The following GRIK3 variants were observed in gnomAD, a reference collection of about 807,000 sequenced individuals.
GRIK3 encodes the protein glutamate ionotropic receptor kainate type subunit 3.
In GRIK3, 29 loss-of-function variants were observed where a neutral mutation model predicts 102.5. The observed-to-expected ratio is 0.28, with a 90% CI of 0.21 to 0.39. The LOEUF is 0.39. Among genes scored for constraint, GRIK3 ranks in the 10% least tolerant of loss-of-function variants. The pLI is 1.00. For missense variants in GRIK3, 908 were observed against 1,252.4 expected, an observed-to-expected ratio of 0.73 and a Z score of 4.15; for synonymous variants, 511 against 504.9, an observed-to-expected ratio of 1.01 and a Z score of -0.16.
intron 1 of GRIK3, among the ~76,000 whole-genome samples, chr1:36,943,107 A>G (rs1641745341): frequency 6.6e-6 from 1 of 152,158 alleles, no homozygotes; most frequent in Admixed American, 6.5e-5. Flanking sequence ...AAGGACACTG[A>G]GGCATGAGGA....
chr1:36,965,086 A>G (rs1311067540), intron 1 of GRIK3, among the ~76,000 whole-genome samples: 2 of 152,222 alleles, frequency 1.3e-5, no homozygotes, highest in Non-Finnish European at 2.9e-5. Context: ...CTGAAAAAGC[A>G]GGCTCAAATC....
intron 1 of GRIK3, among the ~76,000 whole-genome samples, chr1:37,013,586 C>T (rs1430959515): frequency 2.6e-5 from 4 of 152,196 alleles, no homozygotes; most frequent in African/African-American, 9.6e-5. Flanking sequence ...CCAAAAGACC[C>T]TGGGAGAGAA....
chr1:36,796,919 AG>A lies in GRIK3; in HGVS notation c.*4931del, dbSNP rs1642370909. The A allele has an allele frequency of 6.6e-6, 1 of 152,318 alleles. No homozygotes were observed. The highest frequency in any genetic ancestry group is 2.4e-5 in the African/African-American group (1 of 41,554). 9.4% of individuals were successfully genotyped at this position (152,318 alleles called of 1,614,324 possible). On this transcript the variant is annotated 3_prime_UTR_variant, in exon 16 of 16. Transcript: ENST00000373091. The stretch of plus-strand genomic sequence containing the variant: ...CAGAACTAGAATGTAATATTGGCAC[AG>A]GGGCTGAGTACTAGCATGACATTGC...
At chr1:36,803,517 A>T (rs376083920) in intron 15 of GRIK3, among the ~76,000 whole-genome samples, 1 of 152,046 alleles carries the variant, frequency 6.6e-6, no homozygotes. Context: ...TGCAACCTCC[A>T]CCTCCTGGGT....
intron 1 of GRIK3, among the ~76,000 whole-genome samples, chr1:36,898,463 T>A (rs1641197818): frequency 6.6e-6 from 1 of 152,128 alleles, no homozygotes. Context: ...TATACATCTA[T>A]TATGTACCCA....
chr1:37,028,022 G>C (rs1642781453), intron 1 of GRIK3, among the ~76,000 whole-genome samples: 1 of 151,356 alleles, frequency 6.6e-6, no homozygotes, highest in Admixed American at 6.6e-5. Context: ...AGAAGGTCAG[G>C]ATGTGACTCT....
chr1:36,966,957 T>G (rs963849561), intron 1 of GRIK3, among the ~76,000 whole-genome samples: 1 of 152,310 alleles, frequency 6.6e-6, no homozygotes, highest in South Asian at 2.1e-4. Flanking sequence ...AAAAAAGATG[T>G]ATGGAATCCT....
intron 1 of GRIK3, among the ~76,000 whole-genome samples, chr1:36,932,415 G>A (rs1170893653): frequency 1.3e-5 from 2 of 152,124 alleles, no homozygotes; most frequent in Admixed American, 6.5e-5. Context: ...TCTTGTACCA[G>A]AGTAGGAGGT....
intron 1 of GRIK3, among the ~76,000 whole-genome samples, chr1:36,974,594 C>G (rs376667565): frequency 6.6e-6 from 1 of 151,630 alleles, no homozygotes; most frequent in African/African-American, 2.4e-5. Context: ...GTCAGGAGAT[C>G]GAGACCATCC....
At chr1:36,905,238 T>A (rs541671) in intron 1 of GRIK3, among the ~76,000 whole-genome samples, 6,667 of 152,146 alleles carry the variant, frequency 0.044, 383 homozygotes, top group African/African-American at 0.13. Flanking sequence ...ATAAAAGAAG[T>A]CTTGAATAAA....
chr1:36,820,441 C>T (rs2124192697), intron 11 of GRIK3, among the ~76,000 whole-genome samples: 1 of 152,212 alleles, frequency 6.6e-6, no homozygotes, highest in East Asian at 1.9e-4. Flanking sequence ...CTCCTAAAGA[C>T]ATAACTATTC....
intron 1 of GRIK3, among the ~76,000 whole-genome samples, chr1:36,933,732 G>A (rs577092261): frequency 1.9e-4 from 29 of 152,276 alleles, no homozygotes; most frequent in African/African-American, 6.5e-4. Context: ...CAGCAGCAAG[G>A]TATGATAGAA....
At chr1:37,000,709 T>C (rs2124030666) in intron 1 of GRIK3, among the ~76,000 whole-genome samples, 2 of 152,300 alleles carry the variant, frequency 1.3e-5, no homozygotes, top group East Asian at 3.9e-4. Flanking sequence ...GCAGAACCAA[T>C]ATTCAACTCC....
intron 1 of GRIK3, among the ~76,000 whole-genome samples, chr1:36,931,011 A>G (rs1641582433): frequency 6.6e-6 from 1 of 152,136 alleles, no homozygotes; most frequent in Non-Finnish European, 1.5e-5. Context: ...AGTCTCAGGG[A>G]CCATGTTCTT....
intron 1 of GRIK3, among the ~76,000 whole-genome samples, chr1:36,977,630 A>G (rs1215533275): frequency 6.6e-6 from 1 of 152,172 alleles, no homozygotes; most frequent in Non-Finnish European, 1.5e-5. Context: ...GGCTGGAGAG[A>G]CTGAGGACCC....
chr1:37,025,142 A>T (rs1434776974), intron 1 of GRIK3, among the ~76,000 whole-genome samples: 1 of 152,222 alleles, frequency 6.6e-6, no homozygotes, highest in Non-Finnish European at 1.5e-5. Flanking sequence ...AATTTGCAAC[A>T]AAGATTAGCA....
At position 36,869,781 on chromosome 1, in the gene GRIK3, C is replaced by A. The variant is rs893072517; in HGVS notation, c.753G>T (p.Met251Ile). The change falls in exon 5 of 16, where the codon ATG (methionine) becomes ATT (isoleucine). Residue 251 changes from methionine to isoleucine, a missense_variant. By Grantham distance (10) the Met-to-Ile change is conservative (BLOSUM62 1). This residue lies in a region of GRIK3 where 585 missense variants were observed against 824.9 expected (regional missense o/e 0.71). Transcript: ENST00000373091. Reference protein sequence around the residue: ...ILKQAMAMGMMTEYYHFIFTT... With the variant: ...ILKQAMAMGMITEYYHFIFTT... ...TGAAGATGAAGTGGTAGTACTCAGT[C>A]ATCATGCCCATGGCCATGGCCTGCA... is the stretch of plus-strand genomic sequence containing the variant. The A allele has an allele frequency of 2.5e-6, 4 of 1,613,032 alleles. No homozygotes were observed. Among genetic ancestry groups the A allele is most frequent in the Non-Finnish European group, 3.4e-6 (4 of 1,179,104 alleles).
intron 9 of GRIK3, among the ~76,000 whole-genome samples, chr1:36,844,187 G>T (rs78717272): frequency 3.7e-4 from 56 of 152,310 alleles, no homozygotes; most frequent in African/African-American, 1.3e-3. Flanking sequence ...ACTGGTGGGG[G>T]TGGGGCAGTC....
chr1:36,974,578 C>T (rs570562521), intron 1 of GRIK3, among the ~76,000 whole-genome samples: 22 of 151,934 alleles, frequency 1.4e-4, no homozygotes, highest in South Asian at 4.2e-4. Flanking sequence ...GCGGGTGGAT[C>T]ACGAGGTCAG....
Sources: gnomAD v4.1 joint callset for allele counts (sites outside exome capture counted in the v4.1 genomes callset) on GRCh38, gnomAD v4.1.1 for gene constraint, gnomAD v4.1.1 regional missense constraint, MANE v1.5 for transcripts, NCBI Gene and HGNC (gene_info 2026-07-23, HGNC 2026-07-21) for gene names.